MUC4: variants seen among roughly 807,000 people sequenced by gnomAD.
MUC4 encodes mucin 4, cell surface associated.
A neutral mutation model predicts 257.9 loss-of-function variants in MUC4; 202 were observed. That is an observed-to-expected ratio of 0.78 (90% CI 0.70 to 0.88). MUC4 has a LOEUF of 0.88. MUC4 is among the 40% of genes least tolerant of loss of function. MUC4 has a pLI of 0.00. For synonymous variants in MUC4, 2,351 were observed against 2,757.1 expected (o/e 0.85, Z 4.62); for missense variants, 5,976 against 6,513.7 (o/e 0.92, Z 2.84).
intron 15 of MUC4, 120 bp from the exon 16 acceptor site, chr3:195,761,237 C>A: frequency 1.1e-6 from 1 of 913,884 alleles, no homozygotes; most frequent in Admixed American, 2.2e-5. Flanking sequence ...AGGGCCAGAG[C>A]GGTTTCCAGC....
In MUC4 at chr3:195,769,034, A is replaced by G. The variant is rs758667283; in HGVS notation, c.13517T>C (p.Met4506Thr). The G allele has an allele frequency of 8.7e-6, 14 of 1,613,584 alleles. No homozygotes were observed. The South Asian group carries it at 1.5e-4, about 18-fold the overall frequency. ...CCTCCCATCCTACCTAGAGAAGCCC[A>G]TGAGCACCGGGTTGCCTGAGCGCTG... ...VAQRSGNPVL[M>T]GFSSGDGYFE... is the part of the protein sequence containing the mutation. The change falls in exon 7 of 25, where the codon ATG (methionine) becomes ACG (threonine). Residue 4506 changes from methionine to threonine, a missense_variant. Met to Thr is a moderately conservative substitution (Grantham distance 81, BLOSUM62 -1). Transcript: ENST00000463781.
At chr3:195,762,789 C>T in intron 13 of MUC4, 66 bp downstream of exon 13, 2 of 1,420,750 alleles carry the variant, frequency 1.4e-6, no homozygotes, top group Non-Finnish European at 1.9e-6. Flanking sequence ...TGCACCGCAA[C>T]GCGGCTTCCC....
At chr3:195,808,119 T>C (rs1452987242) in intron 1 of MUC4, among the ~76,000 whole-genome samples, 1 of 152,248 alleles carries the variant, frequency 6.6e-6, no homozygotes, top group African/African-American at 2.4e-5. Flanking sequence ...ACGAGGATCC[T>C]TAGATGAAGG....
chr3:195,765,423 G>A lies in MUC4; in HGVS notation c.13645C>T (p.Leu4549=). The A allele has an allele frequency of 1.9e-6, 3 of 1,613,480 alleles. No individual in the cohort carries two copies. In the East Asian group the frequency reaches 6.7e-5, roughly 36 times the overall value. Residue 4549 remains leucine (L), a synonymous_variant, in exon 9 of 25, where the codon CTA becomes TTA. Coordinates refer to ENST00000463781, the MANE Select transcript of MUC4 (RefSeq NM_018406.7). ...SGLQGLQFYR[L]HREERPNYRL... is the part of the protein sequence containing the mutation. ...TAGTTGGGCCTTTCTTCCCGGTGTA[G>A]CCTGTAGAACTGCAGCCCTTGGAGG...
intron 1 of MUC4, among the ~76,000 whole-genome samples, chr3:195,802,380 T>TCCGCACCCCTGCTCTCAGCCTCCA (rs1386954432): frequency 6.7e-3 from 229 of 33,966 alleles, no homozygotes; most frequent in Non-Finnish European, 0.012. Context: ...TGACTCGGGT[T>TCCGCACCCCTGCTCTCAGCCTCCA]CCGCACCCCT....
intron 1 of MUC4, among the ~76,000 whole-genome samples, chr3:195,793,990 C>G (rs1032850215): frequency 4.0e-5 from 6 of 151,716 alleles, no homozygotes; most frequent in African/African-American, 1.5e-4. Flanking sequence ...TGTCTGTAAT[C>G]CCAGCATTTT....
At chr3:195,759,935 G>GCACGCACGCACACACACACACACACA (rs1182452846) in intron 16 of MUC4, among the ~76,000 whole-genome samples, 1 of 115,902 alleles carries the variant, frequency 8.6e-6, no homozygotes, top group East Asian at 2.1e-4. Context: ...ACACACACAC[G>GCACGCACGCACACACACACACACACA]CACAAAACCT....
At position 195,787,811 on chromosome 3, in the gene MUC4, C is replaced by G. The variant is rs1732854663; in HGVS notation, c.3769G>C (p.Ala1257Pro). ...TPLPVTDTSS[A>P]STGQATSLLV... ...AGAGAGGTGGCCTGACCTGTGGATG[C>G]TGAGGAAGTGTCGGTGACAGGAAGA... The change falls in exon 2 of 25, where the codon GCA (alanine) becomes CCA (proline). Residue 1257 changes from alanine (A) to proline (P), a missense_variant. Ala to Pro is a conservative substitution (Grantham distance 27). Coordinates refer to ENST00000463781, the MANE Select transcript of MUC4 (RefSeq NM_018406.7). The G allele has an allele frequency of 3.4e-6, 2 of 589,256 alleles. No individual in the cohort carries two copies. Among genetic ancestry groups the G allele is most frequent in the Non-Finnish European group, 5.1e-6 (2 of 394,924 alleles). 36.5% of individuals were successfully genotyped at this position (589,256 alleles called of 1,614,324 possible).
At position 195,790,464 on chromosome 3, in the gene MUC4, A is replaced by G. The variant is rs759324244; in HGVS notation, c.1116T>C (p.Ser372=). ...AAGGGGATGAGGTGGTTGTTTCACC[A>G]GAAGGGAATGTCTCCTGAGAAACTG... ...SGTVSQETFP[S]GETTTSSPSS... Residue 372 remains serine, a synonymous_variant, in exon 2 of 25, where the codon TCT becomes TCC. Transcript: ENST00000463781. 1.4e-5 allele frequency: 22 copies of G among 1,613,886 alleles called. No homozygotes were observed. The East Asian group carries it at 4.5e-4, about 33-fold the overall frequency.
Position 195,779,565 on chromosome 3 carries a change from G to A in MUC4, c.12015C>T (p.Ser4005=), listed in dbSNP as rs1447242508. The change falls in exon 2 of 25, where the codon AGC becomes AGT. Residue 4005 remains serine, a synonymous_variant. Coordinates refer to ENST00000463781, the MANE Select transcript of MUC4 (RefSeq NM_018406.7). Reference sequence around the variant, plus strand: ...CGTGACCTGTAGATACTGAGGAAGTGCTGGTGACAGGAAGAGGGGTGGCGT... The same window carrying A: ...CGTGACCTGTAGATACTGAGGAAGTACTGGTGACAGGAAGAGGGGTGGCGT... ...TGHATPLPVT[S]TSSVSTGHAT... is the part of the protein sequence containing the mutation. 2 of 1,407,362 alleles carry A rather than the reference G, an allele frequency of 1.4e-6. No individual in the cohort carries two copies. Among genetic ancestry groups the A allele is most frequent in the Non-Finnish European group, 1.9e-6 (2 of 1,051,668 alleles). The allele number at this position is 1,407,362 out of a possible 1,614,324, so 87.2% of individuals were successfully genotyped here.
chr3:195,784,656 G>A lies in MUC4; in HGVS notation c.6924C>T (p.Thr2308=), dbSNP rs201246531. The A allele has an allele frequency of 2.0e-5, 27 of 1,337,240 alleles. 7 individuals are homozygous for A. Among genetic ancestry groups the A allele is most frequent in the South Asian group, 6.4e-5 (5 of 77,662 alleles). 82.8% of individuals were successfully genotyped at this position (1,337,240 alleles called of 1,614,324 possible). A position where few individuals can be genotyped will look rare whatever the true frequency, so the allele number is the denominator to read the frequency against. The change falls in exon 2 of 25, where the codon ACC becomes ACT. Residue 2308 remains threonine (T), a synonymous_variant. Transcript: ENST00000463781. The part of the protein sequence containing the change: ...STGHATPLHV[T]DASSASTGHA... The stretch of plus-strand genomic sequence containing the variant: ...GACCTGTGGATGCTGAGGAAGCGTC[G>A]GTGACATGAAGAGGGGTGGCGTGAC...
rs1364682627 is a variant in MUC4, at chr3:195,788,777, C to A, written c.2803G>T (p.Val935Phe). 1.2e-6 allele frequency: 2 copies of A among 1,613,832 alleles called. No homozygotes were observed. The highest frequency in any genetic ancestry group is 8.5e-7 in the Non-Finnish European group (1 of 1,179,816). Reference protein sequence around the residue: ...ASQATDTFSTVPPTPPSITST... With the variant: ...ASQATDTFSTFPPTPPSITST... ...GTGATCGATGGAGGTGTGGGTGGGA[C>A]TGTTGAGAAGGTGTCGGTTGCCTGG... The change falls in exon 2 of 25, where the codon GTC (valine) becomes TTC (phenylalanine). Residue 935 changes from valine (V) to phenylalanine (F), a missense_variant. By Grantham distance (50) the Val-to-Phe change is conservative. Coordinates refer to ENST00000463781, the MANE Select transcript of MUC4 (RefSeq NM_018406.7).
At chr3:195,767,795 A>ACCATCG in intron 7 of MUC4, among the ~76,000 whole-genome samples, 1 of 133,358 alleles carries the variant, frequency 7.5e-6, no homozygotes, top group Admixed American at 7.3e-5. Flanking sequence ...CATCATTGCC[A>ACCATCG]CCACCATCAT....
At chr3:195,808,461 C>T (rs1736272755) in intron 1 of MUC4, among the ~76,000 whole-genome samples, 1 of 152,112 alleles carries the variant, frequency 6.6e-6, no homozygotes, top group Admixed American at 6.5e-5. Flanking sequence ...CCGCCTGGGC[C>T]TCCAAAAGTG....
chr3:195,767,763 CCACCACCACCACCATCACCACCATCAT>C (rs1721545213), intron 7 of MUC4, among the ~76,000 whole-genome samples: 1 of 98,438 alleles, frequency 1.0e-5, no homozygotes, highest in Admixed American at 9.3e-5. Flanking sequence ...ACCACCATCA[CCACCACCACCACCATCACCACCATCAT>C]TGCCACCACC....
Position 195,790,441 on chromosome 3 carries a change from G to A in MUC4, c.1139C>T (p.Pro380Leu). 2 of 1,613,860 alleles carry A rather than the reference G, an allele frequency of 1.2e-6. No individual in the cohort carries two copies. Among genetic ancestry groups the A allele is most frequent in the Non-Finnish European group, 1.7e-6 (2 of 1,179,774 alleles). The change falls in exon 2 of 25, where the codon CCT becomes CTT. Residue 380 changes from proline (P) to leucine (L), a missense_variant. Coordinates refer to ENST00000463781, the MANE Select transcript of MUC4 (RefSeq NM_018406.7). ...FPSGETTTSS[P>L]SSVSNTFLVT... ...CAGGAATGTATTGCTGACACTGGAA[G>A]GGGATGAGGTGGTTGTTTCACCAGA... is the stretch of plus-strand genomic sequence containing the variant.
chr3:195,766,813 A>G lies in MUC4; in HGVS notation c.13530-62T>C, dbSNP rs570697389. Reference sequence around the variant, plus strand: ...CACAGGCTCTTGCCTCGCGGTTGCAAGGCGTCCATTCATCCCGCTAGCCGG... The same window carrying G: ...CACAGGCTCTTGCCTCGCGGTTGCAGGGCGTCCATTCATCCCGCTAGCCGG... On this transcript the variant is annotated intron_variant, in intron 7 of 24. Coordinates refer to ENST00000463781, the MANE Select transcript of MUC4 (RefSeq NM_018406.7). The G allele has an allele frequency of 3.4e-6, 5 of 1,489,014 alleles. No individual in the cohort carries two copies. In the African/African-American group the frequency reaches 4.1e-5, roughly 12 times the overall value. 92.2% of individuals were successfully genotyped at this position (1,489,014 alleles called of 1,614,324 possible).
intron 4 of MUC4, among the ~76,000 whole-genome samples, chr3:195,772,764 C>CTCTCCATCGCTCAGGGGTGTAGACACCCT (rs1723298190): frequency 2.0e-4 from 11 of 54,872 alleles, no homozygotes; most frequent in Non-Finnish European, 3.1e-4. Flanking sequence ...GTAGACACCC[C>CTCTCCATCGCTCAGGGGTGTAGACACCCT]CTCTCCATCG....
chr3:195,776,114 C>G (rs1375046502), intron 3 of MUC4, among the ~76,000 whole-genome samples: 1 of 22,552 alleles, frequency 4.4e-5, no homozygotes, highest in African/African-American at 1.6e-4. Context: ...ACCTTCCACA[C>G]CCTTACCTTC....
Sources: gnomAD v4.1 joint callset for allele counts (sites outside exome capture counted in the v4.1 genomes callset) on GRCh38, gnomAD v4.1.1 for gene constraint, MANE v1.5 for transcripts, NCBI Gene and HGNC (gene_info 2026-07-23, HGNC 2026-07-21) for gene names.